The following SYT10 variants were observed in gnomAD, a reference collection of about 807,000 sequenced individuals.
SYT10 encodes synaptotagmin 10.
SYT10 carries 31 observed loss-of-function variants against 51.1 expected under a neutral mutation model. The ratio of observed to expected loss-of-function variants is 0.61; its 90% CI spans 0.46 to 0.82. The LOEUF is 0.82. SYT10 is among the 40% of genes least tolerant of loss of function. The probability of loss-of-function intolerance (pLI) is 0.00; values close to 1 mark genes in which losing one functional copy is unlikely to be tolerated. For synonymous variants in SYT10, 233 were observed against 225.9 expected (o/e 1.03, Z -0.28); for missense variants, 603 against 634.0 (o/e 0.95, Z 0.53).
intron 3 of SYT10, among the ~76,000 whole-genome samples, chr12:33,395,985 A>T (rs745418372): frequency 6.6e-6 from 1 of 152,164 alleles, no homozygotes; most frequent in Non-Finnish European, 1.5e-5. Context: ...TCTTCTACTA[A>T]TCAGCTTTGT....
At chr12:33,400,201 T>C (rs1172739099) in intron 3 of SYT10, among the ~76,000 whole-genome samples, 1 of 152,232 alleles carries the variant, frequency 6.6e-6, no homozygotes, top group Non-Finnish European at 1.5e-5. Flanking sequence ...AGATAATTCA[T>C]TGATAGCTAA....
intron 2 of SYT10, among the ~76,000 whole-genome samples, chr12:33,411,914 A>T (rs1423100241): frequency 6.6e-6 from 1 of 152,150 alleles, no homozygotes; most frequent in African/African-American, 2.4e-5. Flanking sequence ...GAATATAAGT[A>T]GTATATATTA....
chr12:33,403,915 G>A (rs772017193), intron 3 of SYT10, among the ~76,000 whole-genome samples: 15 of 152,084 alleles, frequency 9.9e-5, no homozygotes, highest in Non-Finnish European at 1.8e-4. Context: ...AGAAATTTAG[G>A]TTTCATTATT....
intron 1 of SYT10, among the ~76,000 whole-genome samples, chr12:33,429,035 G>A (rs962374146): frequency 1.3e-5 from 2 of 152,168 alleles, no homozygotes; most frequent in African/African-American, 4.8e-5. Flanking sequence ...TGGAGTTGAT[G>A]AAGGTGTTTT....
intron 6 of SYT10, among the ~76,000 whole-genome samples, chr12:33,377,357 G>C (rs1326177058): frequency 2.0e-5 from 3 of 151,604 alleles, no homozygotes; most frequent in Non-Finnish European, 4.4e-5. Context: ...ATTTTTAGTA[G>C]AGATCGGGTT....
chr12:33,410,717 G>A lies in SYT10; in HGVS notation c.510-3361C>T, dbSNP rs151263360. Among the ~76,000 whole-genome samples the A allele has an allele frequency of 3.2e-3, 488 of 152,034 alleles. 4 individuals carry two copies. The highest frequency in any genetic ancestry group is 9.8e-3 in the African/African-American group (406 of 41,456). ...AGAATTATATGGATAAAAGGAGAAA[G>A]TCTATGGAAAAATGATATTCTAATA... is the stretch of plus-strand genomic sequence containing the variant. On this transcript the variant is annotated intron_variant, in intron 2 of 6. Coordinates refer to ENST00000228567, the MANE Select transcript of SYT10 (RefSeq NM_198992.4).
rs187283104 is a variant in SYT10, at chr12:33,422,763, T to G, written c.509+3375A>C. Among the ~76,000 whole-genome samples the G allele has an allele frequency of 2.0e-5, 3 of 152,184 alleles. No homozygotes were observed. In the East Asian group the frequency reaches 5.8e-4, roughly 29 times the overall value. Reference sequence around the variant, plus strand: ...AACTCGGCTTAATGGCTCTTCTCCATGCCTTAGCTGGAAATAATGTCTCAA... The same window carrying G: ...AACTCGGCTTAATGGCTCTTCTCCAGGCCTTAGCTGGAAATAATGTCTCAA... On this transcript the variant is annotated intron_variant, in intron 2 of 6. Coordinates refer to ENST00000228567, the MANE Select transcript of SYT10 (RefSeq NM_198992.4).
intron 4 of SYT10, 117 bp from the exon 5 acceptor site, chr12:33,382,637 T>C: frequency 7.0e-6 from 6 of 855,762 alleles, no homozygotes; most frequent in Non-Finnish European, 9.7e-6. Flanking sequence ...TTAAGACCTT[T>C]AGTATTACCA....
In SYT10 at chr12:33,428,739, T is replaced by C. The variant is rs1866572476; in HGVS notation, c.152-2244A>G. Among the ~76,000 whole-genome samples the C allele has an allele frequency of 5.9e-5, 9 of 152,094 alleles. No homozygotes were observed. The South Asian group carries it at 1.7e-3, about 28-fold the overall frequency. Reference sequence around the variant, plus strand: ...GGCTAAAGCGATGAAACTCCGTCTCTACTAAAAATACAAAAAATTAGCCAG... The same window carrying C: ...GGCTAAAGCGATGAAACTCCGTCTCCACTAAAAATACAAAAAATTAGCCAG... On this transcript the variant is annotated intron_variant, in intron 1 of 6. Transcript: ENST00000228567.
intron 2 of SYT10, among the ~76,000 whole-genome samples, chr12:33,412,744 C>A (rs1866418413): frequency 6.6e-6 from 1 of 152,074 alleles, no homozygotes; most frequent in Non-Finnish European, 1.5e-5. Context: ...AAAAACAGAG[C>A]AGAAAACCTG....
intron 2 of SYT10, among the ~76,000 whole-genome samples, chr12:33,413,913 A>G (rs1866430499): frequency 6.6e-6 from 1 of 152,218 alleles, no homozygotes; most frequent in South Asian, 2.1e-4. Flanking sequence ...GTCAAGACCC[A>G]TGAGTGTGCT....
At chr12:33,403,107 T>G (rs1866320418) in intron 3 of SYT10, among the ~76,000 whole-genome samples, 1 of 152,112 alleles carries the variant, frequency 6.6e-6, no homozygotes, top group Non-Finnish European at 1.5e-5. Flanking sequence ...ACAAAGGTAC[T>G]CTTTAAAAAT....
At chr12:33,412,370 C>G (rs1264852831) in intron 2 of SYT10, among the ~76,000 whole-genome samples, 2 of 150,744 alleles carry the variant, frequency 1.3e-5, no homozygotes, top group African/African-American at 4.9e-5. Context: ...AATGTTTAAA[C>G]TATTGCCATG....
intron 1 of SYT10, among the ~76,000 whole-genome samples, chr12:33,429,399 A>C (rs1346651918): frequency 3.3e-5 from 5 of 152,246 alleles, no homozygotes; most frequent in African/African-American, 1.2e-4. Context: ...TGAAATAAGA[A>C]CTATAGAGAA....
At chr12:33,434,986 T>A (rs1391367769) in intron 1 of SYT10, among the ~76,000 whole-genome samples, 1 of 152,180 alleles carries the variant, frequency 6.6e-6, no homozygotes, top group Non-Finnish European at 1.5e-5. Context: ...AATCACATGT[T>A]CAAAATAGAA....
intron 2 of SYT10, 116 bp downstream of exon 2, chr12:33,426,022 C>T (rs564805671): frequency 2.8e-6 from 3 of 1,057,810 alleles, no homozygotes; most frequent in Non-Finnish European, 4.1e-6. Context: ...TCTCCTGTTT[C>T]TCTTTTCTCC....
intron 2 of SYT10, among the ~76,000 whole-genome samples, 167 bp from the exon 3 acceptor site, chr12:33,407,523 A>C (rs1342732582): frequency 6.6e-6 from 1 of 152,266 alleles, no homozygotes; most frequent in African/African-American, 2.4e-5. Context: ...GAAAAAATAA[A>C]GAAGTACAAT....
intron 2 of SYT10, among the ~76,000 whole-genome samples, chr12:33,418,856 T>C (rs1290496506): frequency 6.6e-6 from 1 of 152,210 alleles, no homozygotes; most frequent in Non-Finnish European, 1.5e-5. Context: ...CTATTTTCAA[T>C]ACAGCAGGCA....
chr12:33,407,467 A>G (rs1866369221), intron 2 of SYT10, 111 bp from the exon 3 acceptor site: 4 of 1,115,128 alleles, frequency 3.6e-6, no homozygotes, highest in Middle Eastern at 2.0e-4. Flanking sequence ...AAAGATATCT[A>G]TATCTACATA....
Sources: allele counts gnomAD v4.1 joint callset (sites outside exome capture counted in the v4.1 genomes callset), GRCh38; gene constraint gnomAD v4.1.1; transcripts MANE v1.5; gene names NCBI Gene and HGNC (gene_info 2026-07-23, HGNC 2026-07-21).